The following NLN variants were observed in gnomAD, a reference collection of about 807,000 sequenced individuals.
NLN encodes the protein neurolysin, also known as neurolysin, mitochondrial.
Under a neutral mutation model 79.9 loss-of-function variants are expected in NLN, and 64 were observed. That is an observed-to-expected ratio of 0.80 (90% CI 0.65 to 0.99). The LOEUF is 0.99. Among genes scored for constraint, NLN ranks in the 50% least tolerant of loss-of-function variants. The pLI is 0.00. For missense variants in NLN, 835 were observed against 858.7 expected (o/e 0.97, Z 0.34); for synonymous variants, 267 against 296.6 (o/e 0.90, Z 1.02).
rs202187664 is a variant in NLN at position 65,782,510 on chromosome 5, T to C, written c.822+1089T>C. Among the ~76,000 whole-genome samples, 28 of 152,338 alleles carry C rather than the reference T, an allele frequency of 1.8e-4. No individual in the cohort carries two copies. In the East Asian group the frequency reaches 5.2e-3, roughly 28 times the overall value. On this transcript the variant is annotated intron_variant, in intron 6 of 12. Coordinates refer to ENST00000380985, the MANE Select transcript of NLN (RefSeq NM_020726.5). The stretch of plus-strand genomic sequence containing the variant: ...ATATACTGTCTTCTGAATTTATCCA[T>C]CTCACTCTTCCTCCATTTAATGAAG...
rs550177601 is a variant in NLN, at chr5:65,772,841, C to T, written c.451-4586C>T. Reference sequence around the variant, plus strand: ...TGCCTCCCAGGCTCAAGTGATTCTCCCACCTCAGCCTCCCAAGTAGCTGGG... The same window carrying T: ...TGCCTCCCAGGCTCAAGTGATTCTCTCACCTCAGCCTCCCAAGTAGCTGGG... On this transcript the variant is annotated intron_variant, in intron 3 of 12. Coordinates refer to ENST00000380985, the MANE Select transcript of NLN (RefSeq NM_020726.5). 2.2e-3 allele frequency among the ~76,000 whole-genome samples: 330 copies of T among 151,896 alleles called. 2 individuals carry two copies. The highest frequency in any genetic ancestry group is 7.2e-3 in the African/African-American group (300 of 41,472).
At chr5:65,803,621 C>T (rs1041985443) in intron 9 of NLN, among the ~76,000 whole-genome samples, 3 of 151,740 alleles carry the variant, frequency 2.0e-5, no homozygotes, top group Non-Finnish European at 2.9e-5. Context: ...TCTTCCAGCC[C>T]CTAAGAGTAC....
At chr5:65,794,415 A>G (rs1489989889) in intron 9 of NLN, among the ~76,000 whole-genome samples, 2 of 152,068 alleles carry the variant, frequency 1.3e-5, no homozygotes, top group African/African-American at 4.8e-5. Context: ...GTTCAAGACC[A>G]GCAACATTGT....
chr5:65,742,593 G>A (rs2150738627), intron 1 of NLN, among the ~76,000 whole-genome samples: 1 of 152,260 alleles, frequency 6.6e-6, no homozygotes, highest in Admixed American at 6.5e-5. Flanking sequence ...GTGAATGGTT[G>A]TTTATAGGAT....
rs1235951598 is a variant in NLN, at chr5:65,762,978, A to G, written c.320A>G (p.Asp107Gly). Residue 107 changes from aspartate to glycine, a missense_variant, in exon 3 of 13, where the codon GAC (aspartate) becomes GGC (glycine). Coordinates refer to ENST00000380985, the MANE Select transcript of NLN (RefSeq NM_020726.5). Reference protein sequence around the residue: ...VKYIVERTMLDFPQHVSSDKE... With the variant: ...VKYIVERTMLGFPQHVSSDKE... ...TCTGCAGTGGAAAGGACCATGCTAG[A>G]CTTTCCCCAGCATGTATCCTCTGAC... The G allele has an allele frequency of 6.2e-7, 1 of 1,613,956 alleles. No individual in the cohort carries two copies. The highest frequency in any genetic ancestry group is 8.5e-7 in the Non-Finnish European group (1 of 1,179,922).
chr5:65,805,423 A>G (rs1317657866), intron 9 of NLN, among the ~76,000 whole-genome samples: 1 of 152,246 alleles, frequency 6.6e-6, no homozygotes, highest in South Asian at 2.1e-4. Flanking sequence ...TGCTACTCCA[A>G]TGAACACACA....
intron 1 of NLN, among the ~76,000 whole-genome samples, chr5:65,754,507 A>G (rs1423017690): frequency 6.6e-6 from 1 of 152,190 alleles, no homozygotes; most frequent in African/African-American, 2.4e-5. Context: ...ACAACCATGT[A>G]TATCTAACCA....
intron 9 of NLN, among the ~76,000 whole-genome samples, chr5:65,798,987 T>C (rs1760225255): frequency 6.6e-6 from 1 of 152,156 alleles, no homozygotes. Context: ...GCTCAGTTGA[T>C]CCTCCCACCT....
At chr5:65,737,398 T>C (rs1285325015) in intron 1 of NLN, among the ~76,000 whole-genome samples, 1 of 152,202 alleles carries the variant, frequency 6.6e-6, no homozygotes, top group Non-Finnish European at 1.5e-5. Flanking sequence ...AATACTTCCA[T>C]AGTACAAACA....
At chr5:65,788,862 C>A (rs1245659068) in intron 8 of NLN, among the ~76,000 whole-genome samples, 4 of 151,630 alleles carry the variant, frequency 2.6e-5, no homozygotes, top group Non-Finnish European at 4.4e-5. Context: ...GTCCCAGGTA[C>A]TTGAGAGGCT....
At chr5:65,801,022 T>C (rs946937893) in intron 9 of NLN, among the ~76,000 whole-genome samples, 3 of 152,132 alleles carry the variant, frequency 2.0e-5, no homozygotes, top group Admixed American at 6.6e-5. Context: ...ACTGTCTTCC[T>C]CTCAAGAACT....
intron 1 of NLN, among the ~76,000 whole-genome samples, chr5:65,730,162 C>T (rs1247830775): frequency 6.6e-6 from 1 of 152,106 alleles, no homozygotes; most frequent in Non-Finnish European, 1.5e-5. Flanking sequence ...ACTTACATTC[C>T]AGTGGGAGAG....
intron 1 of NLN, among the ~76,000 whole-genome samples, chr5:65,752,759 CAGT>C (rs1759127911): frequency 6.6e-6 from 1 of 152,170 alleles, no homozygotes; most frequent in Non-Finnish European, 1.5e-5. Flanking sequence ...AGAAAGTACT[CAGT>C]AGATCAAAAT....
Position 65,828,577 on chromosome 5 carries a change from A to C in NLN, c.*5662A>C, listed in dbSNP as rs1163033806. 6.6e-6 allele frequency: 1 copy of C among 152,226 alleles called. No individual in the cohort carries two copies. The highest frequency in any genetic ancestry group is 6.5e-5 in the Admixed American group (1 of 15,286). 9.4% of individuals were successfully genotyped at this position (152,226 alleles called of 1,614,324 possible). ...AACCAAATGGAAACAATTAAATTCC[A>C]TTAGAGAAACGGTTGGAAAATATGA... On this transcript the variant is annotated 3_prime_UTR_variant, in exon 13 of 13. Coordinates refer to ENST00000380985, the MANE Select transcript of NLN (RefSeq NM_020726.5).
intron 2 of NLN, among the ~76,000 whole-genome samples, chr5:65,761,078 G>A (rs1759327160): frequency 6.6e-6 from 1 of 152,034 alleles, no homozygotes; most frequent in African/African-American, 2.4e-5. Context: ...GTCAGGCACT[G>A]GGCGTCAGCA....
chr5:65,802,056 G>T (rs898600934), intron 9 of NLN, among the ~76,000 whole-genome samples: 28 of 152,304 alleles, frequency 1.8e-4, no homozygotes, highest in African/African-American at 6.7e-4. Flanking sequence ...TGAGAAAATT[G>T]TGCAGTAGTG....
At chr5:65,772,165 G>C (rs2548771) in intron 3 of NLN, among the ~76,000 whole-genome samples, 2 of 152,010 alleles carry the variant, frequency 1.3e-5, no homozygotes, top group East Asian at 3.9e-4. Flanking sequence ...CATTGGCTAG[G>C]CATCCTTCTT....
At chr5:65,792,807 A>T (rs1277428956) in intron 9 of NLN, 152 bp downstream of exon 9, 1 of 701,392 alleles carries the variant, frequency 1.4e-6, no homozygotes, top group Admixed American at 2.0e-5. Context: ...AATTTTCCTT[A>T]TCCTGTCCTC....
At position 65,810,129 on chromosome 5, in the gene NLN, T is replaced by G; in HGVS notation, c.1807T>G (p.Tyr603Asp). 6.2e-7 allele frequency: 1 copy of G among 1,613,960 alleles called. No individual in the cohort carries two copies. Among genetic ancestry groups the G allele is most frequent in the Non-Finnish European group, 8.5e-7 (1 of 1,179,818 alleles). ...SLDAASEYAK[Y>D]CSEILGVAAT... ...GGATGCTGCAAGTGAATATGCCAAA[T>G]ACTGCTCAGAAATATTAGGAGTTGC... The change falls in exon 11 of 13, where the codon TAC becomes GAC. Residue 603 changes from tyrosine (Y) to aspartate (D), a missense_variant. By Grantham distance (160) the Tyr-to-Asp change is radical. Transcript: ENST00000380985.
Sources: allele counts gnomAD v4.1 joint callset (sites outside exome capture counted in the v4.1 genomes callset), GRCh38; gene constraint gnomAD v4.1.1; transcripts MANE v1.5; gene names NCBI Gene and HGNC (gene_info 2026-07-23, HGNC 2026-07-21).